The following BMPER variants were observed in gnomAD, a reference collection of about 807,000 sequenced individuals.
BMPER encodes BMP-binding endothelial regulator protein.
BMPER carries 45 observed loss-of-function variants against 87.3 expected under a neutral mutation model. The observed-to-expected ratio is 0.52, with a 90% CI of 0.41 to 0.66. The LOEUF is 0.66. Ranked by LOEUF, BMPER falls within the 30% of genes least tolerant of loss-of-function variation. The pLI, the probability that BMPER is intolerant of heterozygous loss-of-function variation, is 0.00. For missense variants in BMPER, 784 were observed against 867.5 expected (o/e 0.90, Z 1.21); for synonymous variants, 326 against 316.2 (o/e 1.03, Z -0.33).
intron 2 of BMPER, among the ~76,000 whole-genome samples, chr7:33,923,410 C>G (rs1430357300): frequency 6.6e-6 from 1 of 152,186 alleles, no homozygotes; most frequent in Non-Finnish European, 1.5e-5. Flanking sequence ...TGGTCCTAGA[C>G]CTTTTCCCTG....
chr7:34,073,438 A>G (rs754624366), intron 11 of BMPER, among the ~76,000 whole-genome samples: 4 of 152,334 alleles, frequency 2.6e-5, no homozygotes, highest in Middle Eastern at 3.4e-3. Context: ...ATACATCTAA[A>G]CATAGAAAAG....
intron 13 of BMPER, among the ~76,000 whole-genome samples, chr7:34,120,443 G>A (rs1006045310): frequency 6.6e-6 from 1 of 151,478 alleles, no homozygotes; most frequent in Non-Finnish European, 1.5e-5. Flanking sequence ...TCGTTGCCCA[G>A]ACTGGAGTGC....
intron 3 of BMPER, among the ~76,000 whole-genome samples, chr7:33,961,676 C>G (rs939005500): frequency 6.6e-6 from 1 of 152,130 alleles, no homozygotes; most frequent in Non-Finnish European, 1.5e-5. Context: ...CAGACAATAA[C>G]GACTGAGTGT....
intron 13 of BMPER, among the ~76,000 whole-genome samples, chr7:34,125,406 C>T (rs1304081562): frequency 6.6e-6 from 1 of 152,144 alleles, no homozygotes; most frequent in African/African-American, 2.4e-5. Context: ...CCCTTTCCTG[C>T]TGTCTTTCAG....
chr7:34,036,674 A>G (rs974280300), intron 6 of BMPER, among the ~76,000 whole-genome samples: 2 of 152,000 alleles, frequency 1.3e-5, no homozygotes, highest in African/African-American at 4.8e-5. Context: ...TTGTTTAGAG[A>G]TCTCATCTGA....
At chr7:33,943,273 A>G (rs1416571069) in intron 3 of BMPER, among the ~76,000 whole-genome samples, 1 of 152,196 alleles carries the variant, frequency 6.6e-6, no homozygotes, top group East Asian at 1.9e-4. Flanking sequence ...TTTTACATAA[A>G]TGGAAAGAAA....
At chr7:33,933,441 G>GTTTTT (rs3083764) in intron 2 of BMPER, among the ~76,000 whole-genome samples, 1 of 128,412 alleles carries the variant, frequency 7.8e-6, no homozygotes, top group South Asian at 2.6e-4. Context: ...CATTGGTTAG[G>GTTTTT]TTTTTTTTTT....
At position 34,147,815 on chromosome 7, in the gene BMPER, A is replaced by G. The variant is rs558447263; in HGVS notation, c.1876+4455A>G. On this transcript the variant is annotated intron_variant, in intron 14 of 14. Coordinates refer to ENST00000649409, the MANE Select transcript of BMPER (RefSeq NM_001365308.1). ...AACAAAATAGATCCTTTTAAAATAC[A>G]TATGTGCCCATCACATCACACCTAT... is the stretch of plus-strand genomic sequence containing the variant. Among the ~76,000 whole-genome samples, 4 of 152,304 alleles carry G rather than the reference A, an allele frequency of 2.6e-5. No homozygotes were observed. In the East Asian group the frequency reaches 5.8e-4, roughly 22 times the overall value.
At chr7:33,953,559 G>T (rs1785078238) in intron 3 of BMPER, among the ~76,000 whole-genome samples, 1 of 152,156 alleles carries the variant, frequency 6.6e-6, no homozygotes, top group Non-Finnish European at 1.5e-5. Context: ...ATACTCAGAT[G>T]CCTGAGCCCT....
intron 13 of BMPER, among the ~76,000 whole-genome samples, chr7:34,100,979 T>A (rs1227543340): frequency 6.6e-6 from 1 of 152,176 alleles, no homozygotes; most frequent in Non-Finnish European, 1.5e-5. Context: ...CTTCATTAGC[T>A]TGTTAGAAAT....
intron 3 of BMPER, among the ~76,000 whole-genome samples, chr7:33,962,575 G>T (rs984386443): frequency 1.3e-5 from 2 of 152,156 alleles, no homozygotes; most frequent in East Asian, 1.9e-4. Context: ...AACCCAAGAT[G>T]TCTCCTAATG....
intron 6 of BMPER, among the ~76,000 whole-genome samples, chr7:34,038,463 C>G (rs1257551290): frequency 6.6e-6 from 1 of 152,134 alleles, no homozygotes; most frequent in Non-Finnish European, 1.5e-5. Flanking sequence ...GAAACTGATT[C>G]CAGACTTCTG....
At chr7:34,076,715 C>G (rs1353385522) in intron 11 of BMPER, among the ~76,000 whole-genome samples, 1 of 151,972 alleles carries the variant, frequency 6.6e-6, no homozygotes, top group East Asian at 1.9e-4. Context: ...CAACTGTTAG[C>G]TATTAGTGCT....
At chr7:34,078,771 TC>T in intron 11 of BMPER, 85 bp from the exon 12 acceptor site, 1 of 1,392,766 alleles carries the variant, frequency 7.2e-7, no homozygotes, top group Non-Finnish European at 1.0e-6. Context: ...TGCTAAGGCT[TC>T]CCCTTACCCA....
intron 6 of BMPER, among the ~76,000 whole-genome samples, chr7:34,035,946 G>A (rs975160440): frequency 2.6e-5 from 4 of 152,142 alleles, no homozygotes; most frequent in Admixed American, 6.5e-5. Flanking sequence ...CTGCAGTTCC[G>A]TATTTGTAGA....
intron 6 of BMPER, among the ~76,000 whole-genome samples, chr7:33,988,710 A>G (rs892277847): frequency 6.6e-6 from 1 of 151,330 alleles, no homozygotes; most frequent in African/African-American, 2.4e-5. Context: ...GGTGCGCTGT[A>G]CCCACTAACT....
At chr7:34,107,750 A>G (rs993760760) in intron 13 of BMPER, among the ~76,000 whole-genome samples, 27 of 152,240 alleles carry the variant, frequency 1.8e-4, no homozygotes, top group Non-Finnish European at 3.4e-4. Context: ...GCTGTGTGAC[A>G]TATGAGGTTT....
intron 3 of BMPER, among the ~76,000 whole-genome samples, chr7:33,944,010 G>A (rs1399765039): frequency 1.3e-5 from 2 of 152,114 alleles, no homozygotes; most frequent in East Asian, 3.9e-4. Flanking sequence ...ACACTTAAAT[G>A]GTAGTGTTTT....
At chr7:34,098,581 GGA>G (rs1437534205) in intron 13 of BMPER, among the ~76,000 whole-genome samples, 1 of 152,070 alleles carries the variant, frequency 6.6e-6, no homozygotes, top group Non-Finnish European at 1.5e-5. Flanking sequence ...TTTAAAGGAG[GGA>G]GAGAGAGAGG....
Sources: allele counts gnomAD v4.1 joint callset (sites outside exome capture counted in the v4.1 genomes callset), GRCh38; gene constraint gnomAD v4.1.1; transcripts MANE v1.5; gene names NCBI Gene and HGNC (gene_info 2026-07-23, HGNC 2026-07-21).